The following ASPG variants were observed in gnomAD, a reference collection of about 807,000 sequenced individuals.
ASPG encodes 60 kDa lysophospholipase.
Under a neutral mutation model 63.2 loss-of-function variants are expected in ASPG, and 53 were observed. That is an observed-to-expected ratio of 0.84 (90% CI 0.67 to 1.05). ASPG has a LOEUF of 1.05. Ranked by LOEUF, ASPG falls within the 50% of genes least tolerant of loss-of-function variation. The pLI, the probability that ASPG is intolerant of heterozygous loss-of-function variation, is 0.00. For missense variants in ASPG, 741 were observed against 794.4 expected (o/e 0.93, Z 0.81); for synonymous variants, 370 against 355.0 (o/e 1.04, Z -0.48).
chr14:104,104,602 C>T lies in ASPG; in HGVS notation c.937-20C>T. 1.9e-6 allele frequency: 3 copies of T among 1,596,162 alleles called. No individual in the cohort carries two copies. The highest frequency in any genetic ancestry group is 1.3e-5 in the African/African-American group (1 of 74,770). ...GCCGTGGTGAGTCGCCCTTCCTGCC[C>T]ACACGCCCCCTCCTCACAGGCCATG... On this transcript the variant is annotated intron_variant, in intron 8 of 15. Transcript: ENST00000551177.
At chr14:104,098,801 G>T (rs2036741170) in intron 5 of ASPG, 52 bp from the exon 6 acceptor site, 13 of 1,590,818 alleles carry the variant, frequency 8.2e-6, no homozygotes, top group South Asian at 1.1e-5. Context: ...AGGGCAGATG[G>T]GTCGGGGACA....
chr14:104,088,380 G>C (rs1426714145), intron 1 of ASPG, among the ~76,000 whole-genome samples: 1 of 152,292 alleles, frequency 6.6e-6, no homozygotes, highest in South Asian at 2.1e-4. Flanking sequence ...TGAGTTCATT[G>C]AAGCTATCAC....
intron 4 of ASPG, 29 bp from the exon 5 acceptor site, chr14:104,097,525 C>T: frequency 1.9e-6 from 3 of 1,546,110 alleles, no homozygotes; most frequent in Non-Finnish European, 2.6e-6. Flanking sequence ...GCTTCCCAGG[C>T]CTCAGCTACT....
Position 104,110,739 on chromosome 14 carries a change from C to T in ASPG, c.1521-763C>T. 1 of 985,336 alleles carries T rather than the reference C, an allele frequency of 1.0e-6. No individual in the cohort carries two copies. Among genetic ancestry groups the T allele is most frequent in the Non-Finnish European group, 1.2e-6 (1 of 829,854 alleles). The allele number at this position is 985,336 out of a possible 1,614,324, so 61.0% of individuals were successfully genotyped here. On this transcript the variant is annotated intron_variant, in intron 13 of 15. Coordinates refer to ENST00000551177, the MANE Select transcript of ASPG (RefSeq NM_001080464.3). The surrounding 1 kb of genome is among the most constrained non-coding windows in gnomAD (Gnocchi z 4.7). ...AGAGGAGGGGGCAGCCCCTTCCTCACCAGGCCACTTCCCCCAGCCCCTGCA... is the reference window on the plus strand; with the variant it reads ...AGAGGAGGGGGCAGCCCCTTCCTCATCAGGCCACTTCCCCCAGCCCCTGCA...
intron 1 of ASPG, among the ~76,000 whole-genome samples, chr14:104,087,478 C>G (rs1785756000): frequency 6.6e-6 from 1 of 152,124 alleles, no homozygotes; most frequent in African/African-American, 2.4e-5. Context: ...TGGAGGCAGC[C>G]CAGGGAGGGC....
In ASPG at chr14:104,113,087, C is replaced by A; in HGVS notation, c.*543C>A. The A allele has an allele frequency of 5.4e-6, 1 of 186,252 alleles. No individual in the cohort carries two copies. Among genetic ancestry groups the A allele is most frequent in the South Asian group, 1.2e-4 (1 of 8,550 alleles). 11.5% of individuals were successfully genotyped at this position (186,252 alleles called of 1,614,324 possible). A position where few individuals can be genotyped will look rare whatever the true frequency, so the allele number is the denominator to read the frequency against. Reference sequence around the variant, plus strand: ...AACTCTTTAGTCCTCACAGTCCCGTCCCAGTTGCTGTCTGGTTTTCTGTCA... The same window carrying A: ...AACTCTTTAGTCCTCACAGTCCCGTACCAGTTGCTGTCTGGTTTTCTGTCA... On this transcript the variant is annotated 3_prime_UTR_variant, in exon 16 of 16. Transcript: ENST00000551177.
chr14:104,108,306 G>A, intron 12 of ASPG: 5 of 674,202 alleles, frequency 7.4e-6, no homozygotes, highest in Non-Finnish European at 9.2e-6. Context: ...GATCCGGACT[G>A]GAGCTTCTAG....
Position 104,112,723 on chromosome 14 carries a change from G to A in ASPG, c.*179G>A, listed in dbSNP as rs1471186384. On this transcript the variant is annotated 3_prime_UTR_variant, in exon 16 of 16. Coordinates refer to ENST00000551177, the MANE Select transcript of ASPG (RefSeq NM_001080464.3). ...GACATCCCCTCACCAGGTCTGTACA[G>A]CCTGGCTCTGAGAGGCTCTGTCTGG... 7.1e-7 allele frequency: 1 copy of A among 1,414,334 alleles called. No homozygotes were observed. The highest frequency in any genetic ancestry group is 1.4e-5 in the African/African-American group (1 of 70,200). The allele number at this position is 1,414,334 out of a possible 1,614,324, so 87.6% of individuals were successfully genotyped here. A position where few individuals can be genotyped will look rare whatever the true frequency, so the allele number is the denominator to read the frequency against.
rs540007288 is a variant in ASPG at position 104,092,707 on chromosome 14, G to C, written c.157G>C (p.Ala53Pro). 2.0e-5 allele frequency: 31 copies of C among 1,537,322 alleles called. No individual in the cohort carries two copies. In the South Asian group the frequency reaches 3.6e-4, roughly 18 times the overall value. ...PMFHDEEHAR[A>P]RGLSEDTLVL... ...GTTCCATGACGAGGAGCACGCCCGAGCCCGCGGCCTCTCTGAGGACACCCT... is the reference window on the plus strand; with the variant it reads ...GTTCCATGACGAGGAGCACGCCCGACCCCGCGGCCTCTCTGAGGACACCCT... Residue 53 changes from alanine to proline, a missense_variant, in exon 2 of 16, where the codon GCC (alanine) becomes CCC (proline). Transcript: ENST00000551177.
chr14:104,109,701 G>T lies in ASPG; in HGVS notation c.1520+386G>T, dbSNP rs1454368494. Among the ~76,000 whole-genome samples the T allele has an allele frequency of 6.6e-6, 1 of 151,148 alleles. No homozygotes were observed. Among genetic ancestry groups the T allele is most frequent in the Non-Finnish European group, 1.5e-5 (1 of 67,754 alleles). On this transcript the variant is annotated intron_variant, in intron 13 of 15. Coordinates refer to ENST00000551177, the MANE Select transcript of ASPG (RefSeq NM_001080464.3). This position sits in a 1 kb window ranked among gnomAD's most constrained non-coding sequence, Gnocchi z 4.8. ...GGGGGTGGCTGGGGCTGCATTTGGGGAGGTTGGGGCAGGTGGGGCACAGAG... is the reference window on the plus strand; with the variant it reads ...GGGGGTGGCTGGGGCTGCATTTGGGTAGGTTGGGGCAGGTGGGGCACAGAG...
chr14:104,097,729 C>A, intron 5 of ASPG, 92 bp downstream of exon 5: 1 of 1,166,876 alleles, frequency 8.6e-7, no homozygotes, highest in Non-Finnish European at 1.2e-6. Context: ...CAGCCCCTCC[C>A]CAGACGCCAC....
intron 15 of ASPG, among the ~76,000 whole-genome samples, 174 bp from the exon 16 acceptor site, chr14:104,112,350 A>G (rs993849301): frequency 6.6e-6 from 1 of 151,208 alleles, no homozygotes. Flanking sequence ...CTCCCAGGCC[A>G]GTTCCCAGCT....
At chr14:104,088,347 C>T (rs10148771) in intron 1 of ASPG, among the ~76,000 whole-genome samples, 4,244 of 152,282 alleles carry the variant, frequency 0.028, 193 homozygotes, top group African/African-American at 0.097. Context: ...CCAGTGGGGA[C>T]GCCCCTTGAC....
At chr14:104,089,145 C>G (rs1268714580) in intron 1 of ASPG, among the ~76,000 whole-genome samples, 1 of 152,034 alleles carries the variant, frequency 6.6e-6, no homozygotes, top group Non-Finnish European at 1.5e-5. Flanking sequence ...CTCAGCCTCC[C>G]GAGTAGCTGG....
chr14:104,095,566 C>A lies in ASPG; in HGVS notation c.339C>A (p.Ile113=). Residue 113 remains isoleucine (I), a synonymous_variant, in exon 4 of 16, where the codon ATC becomes ATA. Transcript: ENST00000551177. ...AGCAGTACCACGGCTTTGTGGTCATCCACGGCACCGACACCATGGCCTTTG... is the reference window on the plus strand; with the variant it reads ...AGCAGTACCACGGCTTTGTGGTCATACACGGCACCGACACCATGGCCTTTG... ...HYEQYHGFVV[I]HGTDTMAFAA... The A allele has an allele frequency of 2.5e-6, 4 of 1,613,176 alleles. No individual in the cohort carries two copies. The South Asian group carries it at 4.4e-5, about 18-fold the overall frequency.
rs932786037 is a variant in ASPG at position 104,110,208 on chromosome 14, G to A, written c.1520+893G>A. On this transcript the variant is annotated intron_variant, in intron 13 of 15. Coordinates refer to ENST00000551177, the MANE Select transcript of ASPG (RefSeq NM_001080464.3). The surrounding 1 kb of genome is among the most constrained non-coding windows in gnomAD (Gnocchi z 4.7). Reference sequence around the variant, plus strand: ...TGTGAGTGGTGGGGTCTGTGCGCCTGTAAGTCCAGAGTCCCAGGCTTGGGG... The same window carrying A: ...TGTGAGTGGTGGGGTCTGTGCGCCTATAAGTCCAGAGTCCCAGGCTTGGGG... 4 of 985,034 alleles carry A rather than the reference G, an allele frequency of 4.1e-6. No individual in the cohort carries two copies. Among genetic ancestry groups the A allele is most frequent in the African/African-American group, 1.7e-5 (1 of 57,152 alleles). 61.0% of individuals were successfully genotyped at this position (985,034 alleles called of 1,614,324 possible).
intron 4 of ASPG, among the ~76,000 whole-genome samples, chr14:104,096,994 G>A (rs564320151): frequency 3.5e-4 from 54 of 152,352 alleles, no homozygotes; most frequent in African/African-American, 1.2e-3. Flanking sequence ...GCAGCTGTGG[G>A]AGGAGCTGTA....
rs775675253 is a variant in ASPG, at chr14:104,103,642, G to A, written c.720G>A (p.Leu240=). 6.5e-7 allele frequency: 1 copy of A among 1,548,042 alleles called. No individual in the cohort carries two copies. Among genetic ancestry groups the A allele is most frequent in the Non-Finnish European group, 8.7e-7 (1 of 1,146,712 alleles). ...VHSSMEQDVG[L]LRLYPGIPAA... is the part of the protein sequence containing the mutation. ...GCAGCATGGAGCAGGACGTGGGCCT[G>A]CTGCGCCTCTACCCTGGGATCCCTG... The change falls in exon 7 of 16, where the codon CTG becomes CTA. Residue 240 remains leucine, a synonymous_variant. Transcript: ENST00000551177.
intron 1 of ASPG, 97 bp from the exon 2 acceptor site, chr14:104,092,536 C>T (rs2036399501): frequency 1.0e-6 from 1 of 1,003,402 alleles, no homozygotes; most frequent in Non-Finnish European, 1.5e-6. Flanking sequence ...AGACCGGAGC[C>T]CCATCCCACC....
Sources: allele counts gnomAD v4.1 joint callset (sites outside exome capture counted in the v4.1 genomes callset), GRCh38; gene constraint gnomAD v4.1.1; non-coding constraint Gnocchi (gnomAD v3.1); transcripts MANE v1.5; gene names NCBI Gene and HGNC (gene_info 2026-07-23, HGNC 2026-07-21).